The following CAMTA1 variants were observed in gnomAD, a reference collection of about 807,000 sequenced individuals.
The protein encoded by CAMTA1 is calmodulin-binding transcription activator 1.
CAMTA1 carries 27 observed loss-of-function variants against 170.9 expected under a neutral mutation model. The observed-to-expected ratio is 0.16, with a 90% CI of 0.12 to 0.22. The LOEUF (loss-of-function observed/expected upper bound fraction) is 0.22, where lower values mean the gene tolerates loss of function less well. Among genes scored for constraint, CAMTA1 ranks in the 10% least tolerant of loss-of-function variants. The probability of loss-of-function intolerance (pLI) is 1.00; values close to 1 mark genes in which losing one functional copy is unlikely to be tolerated. For synonymous variants in CAMTA1, 833 were observed against 891.5 expected (o/e 0.93, Z 1.17); for missense variants, 1,619 against 2,217.2 (o/e 0.73, Z 5.42).
intron 6 of CAMTA1, among the ~76,000 whole-genome samples, chr1:7,484,387 G>A (rs543355373): frequency 1.3e-5 from 2 of 152,312 alleles, no homozygotes; most frequent in South Asian, 2.1e-4. Context: ...CTTCAACCAC[G>A]TGGAGCTGTG....
chr1:7,152,621 G>C (rs1011901971), intron 4 of CAMTA1, among the ~76,000 whole-genome samples: 5 of 152,244 alleles, frequency 3.3e-5, no homozygotes, highest in African/African-American at 1.2e-4. Flanking sequence ...CCTCCTCAGG[G>C]AGAAGGGGAG....
intron 3 of CAMTA1, among the ~76,000 whole-genome samples, chr1:7,030,493 A>G (rs574990557): frequency 6.6e-6 from 1 of 152,350 alleles, no homozygotes; most frequent in South Asian, 2.1e-4. Context: ...AATGGTGAGC[A>G]CAAGTTTTTC....
chr1:7,083,017 A>G (rs1465228370), intron 3 of CAMTA1, among the ~76,000 whole-genome samples: 2 of 152,206 alleles, frequency 1.3e-5, no homozygotes, highest in Admixed American at 6.5e-5. Context: ...AATTCATCGA[A>G]TGGTTGAACC....
chr1:6,996,901 A>C (rs185230793), intron 3 of CAMTA1, among the ~76,000 whole-genome samples: 1 of 152,158 alleles, frequency 6.6e-6, no homozygotes, highest in African/African-American at 2.4e-5. Context: ...GTGGAATTCT[A>C]TGTCTCATGA....
intron 11 of CAMTA1, chr1:7,693,617 G>T (rs571747128): frequency 2.4e-4 from 37 of 152,364 alleles, no homozygotes; most frequent in East Asian, 1.9e-3. Flanking sequence ...ATTAAAATCA[G>T]CCAAGGGAGG....
intron 11 of CAMTA1, among the ~76,000 whole-genome samples, chr1:7,699,597 G>A (rs1244906767): frequency 1.3e-5 from 2 of 152,192 alleles, no homozygotes; most frequent in Non-Finnish European, 2.9e-5. Context: ...CTGCCAGACT[G>A]TTTTCCTAAG....
intron 1 of CAMTA1, among the ~76,000 whole-genome samples, chr1:6,795,754 AAC>A (rs1447664901): frequency 1.3e-5 from 2 of 152,190 alleles, no homozygotes; most frequent in Non-Finnish European, 2.9e-5. Context: ...CTCTGCTGGG[AAC>A]TGAACTATGA....
chr1:6,858,635 C>T (rs1357185321), intron 3 of CAMTA1, among the ~76,000 whole-genome samples: 1 of 152,124 alleles, frequency 6.6e-6, no homozygotes, highest in African/African-American at 2.4e-5. Context: ...TGGGTATTTT[C>T]ATGGGTCTCT....
chr1:7,283,145 G>A (rs1671756247), intron 5 of CAMTA1, among the ~76,000 whole-genome samples: 2 of 152,134 alleles, frequency 1.3e-5, no homozygotes, highest in East Asian at 1.9e-4. Flanking sequence ...TAACCTCACC[G>A]CTGCAGGCAA....
chr1:6,938,242 C>T (rs925023326), intron 3 of CAMTA1, among the ~76,000 whole-genome samples: 1 of 152,118 alleles, frequency 6.6e-6, no homozygotes, highest in Non-Finnish European at 1.5e-5. Context: ...GAAGACTGGC[C>T]CATGGGGATT....
chr1:7,272,447 TA>T (rs1242760743), intron 5 of CAMTA1, among the ~76,000 whole-genome samples: 1 of 152,024 alleles, frequency 6.6e-6, no homozygotes, highest in Non-Finnish European at 1.5e-5. Context: ...TTAAAATCTT[TA>T]ACAGAAGAAC....
intron 3 of CAMTA1, among the ~76,000 whole-genome samples, chr1:6,989,487 T>A (rs1695950187): frequency 6.6e-6 from 1 of 152,204 alleles, no homozygotes; most frequent in Non-Finnish European, 1.5e-5. Flanking sequence ...AAAGGAAGAT[T>A]TACAGTGTGG....
chr1:7,322,201 A>G (rs1678532773), intron 5 of CAMTA1, among the ~76,000 whole-genome samples: 1 of 152,162 alleles, frequency 6.6e-6, no homozygotes, highest in Non-Finnish European at 1.5e-5. Flanking sequence ...CCTGCTTTGC[A>G]TCTCTGCTAC....
intron 5 of CAMTA1, among the ~76,000 whole-genome samples, chr1:7,260,847 A>C (rs1364254775): frequency 6.6e-6 from 1 of 152,236 alleles, no homozygotes; most frequent in Non-Finnish European, 1.5e-5. Flanking sequence ...ATTTACCTAC[A>C]GTTTATGATG....
intron 3 of CAMTA1, among the ~76,000 whole-genome samples, chr1:7,081,702 T>G (rs1469107222): frequency 1.3e-5 from 2 of 152,228 alleles, no homozygotes; most frequent in Non-Finnish European, 2.9e-5. Context: ...GGTGGTCCTC[T>G]GGAGCTCTCA....
At position 7,200,077 on chromosome 1, in the gene CAMTA1, A is replaced by G. The variant is rs1314178597; in HGVS notation, c.303-49414A>G. Among the ~76,000 whole-genome samples the G allele has an allele frequency of 8.5e-5, 13 of 152,366 alleles. No individual in the cohort carries two copies. In the East Asian group the frequency reaches 2.5e-3, roughly 29 times the overall value. On this transcript the variant is annotated intron_variant, in intron 4 of 22. Coordinates refer to ENST00000303635, the MANE Select transcript of CAMTA1 (RefSeq NM_015215.4). ...ATTTCAGAAAGTTGAAAAGTTTTTT[A>G]AAACATACAAGTACCATTTGTATAT...
intron 5 of CAMTA1, among the ~76,000 whole-genome samples, chr1:7,391,292 C>T (rs542301835): frequency 1.3e-5 from 2 of 151,048 alleles, no homozygotes; most frequent in Non-Finnish European, 2.9e-5. Context: ...CTACCACACC[C>T]GGCTGTATCT....
chr1:7,189,772 C>T (rs1289883328), intron 4 of CAMTA1, among the ~76,000 whole-genome samples: 1 of 152,224 alleles, frequency 6.6e-6, no homozygotes, highest in Admixed American at 6.5e-5. Context: ...ATCCAGCAGT[C>T]CCACTACTGG....
intron 7 of CAMTA1, among the ~76,000 whole-genome samples, chr1:7,660,565 T>C (rs1468586072): frequency 6.6e-6 from 1 of 152,024 alleles, no homozygotes; most frequent in African/African-American, 2.4e-5. Flanking sequence ...AAACTTGGAC[T>C]CAAATCCATG....
Sources: gnomAD v4.1 joint callset for allele counts (sites outside exome capture counted in the v4.1 genomes callset) on GRCh38, gnomAD v4.1.1 for gene constraint, MANE v1.5 for transcripts, NCBI Gene and HGNC (gene_info 2026-07-23, HGNC 2026-07-21) for gene names.